The following KDM3B variants were observed in gnomAD, a reference collection of about 807,000 sequenced individuals.
KDM3B encodes lysine demethylase 3B, also known as lysine-specific demethylase 3B.
Under a neutral mutation model 170.0 loss-of-function variants are expected in KDM3B, and 10 were observed. The observed-to-expected ratio is 0.06, with a 90% CI of 0.04 to 0.10. The LOEUF (loss-of-function observed/expected upper bound fraction) is 0.10, where lower values mean the gene tolerates loss of function less well. Ranked by LOEUF, KDM3B falls within the 10% of genes least tolerant of loss-of-function variation. The probability of loss-of-function intolerance (pLI) is 1.00; values close to 1 mark genes in which losing one functional copy is unlikely to be tolerated. For missense variants in KDM3B, 1,394 were observed against 2,195.2 expected, an observed-to-expected ratio of 0.64 and a Z score of 7.29; for synonymous variants, 831 against 834.8, an observed-to-expected ratio of 1.00 and a Z score of 0.08.
In KDM3B at chr5:138,416,609, AAC is replaced by A. The variant is rs1490994029; in HGVS notation, c.3308-872_3308-871del. Among the ~76,000 whole-genome samples the A allele has an allele frequency of 1.4e-3, 202 of 140,958 alleles. 1 individual carries two copies. The highest frequency in any genetic ancestry group is 4.1e-3 in the South Asian group (15 of 3,648). The allele number at this position is 140,958 out of a possible 152,430, so 92.5% of individuals were successfully genotyped here. A position where few individuals can be genotyped will look rare whatever the true frequency, so the allele number is the denominator to read the frequency against. ...GTCTCAAAAAAAAAAAAAAAAAAAA[AAC>A]ATAACAAAAAACCAAAGAAAACTTT... On this transcript the variant is annotated intron_variant, in intron 12 of 23. Transcript: ENST00000314358.
In KDM3B at chr5:138,391,455, G is replaced by A. The variant is rs1324107502; in HGVS notation, c.1823G>A (p.Ser608Asn). ...MPTLTPAFPRSLLNARTPENH... is the reference protein window; with the variant it reads ...MPTLTPAFPRNLLNARTPENH... ...ACCCTCACTCCAGCCTTCCCACGGA[G>A]CCTCCTAAATGCCCGTACCCCAGAG... The change falls in exon 8 of 24, where the codon AGC becomes AAC. Residue 608 changes from serine to asparagine, a missense_variant. Ser to Asn is a conservative substitution (Grantham distance 46, BLOSUM62 1). Around this residue, in one of 19 missense-constraint regions of KDM3B, gnomAD observed 294 missense variants for 311.7 expected, o/e 0.94. Transcript: ENST00000314358. The surrounding 1 kb of genome is among the most constrained non-coding windows in gnomAD (Gnocchi z 5.0). 1 of 1,613,960 alleles carries A rather than the reference G, an allele frequency of 6.2e-7. No homozygotes were observed. Among genetic ancestry groups the A allele is most frequent in the African/African-American group, 1.3e-5 (1 of 74,878 alleles).
intron 11 of KDM3B, among the ~76,000 whole-genome samples, chr5:138,414,377 G>C (rs1438683072): frequency 6.6e-6 from 1 of 152,016 alleles, no homozygotes. Context: ...GTATTAGCCA[G>C]GATGGTCTCG....
intron 3 of KDM3B, among the ~76,000 whole-genome samples, chr5:138,376,589 A>G (rs1246663758): frequency 6.6e-6 from 1 of 151,932 alleles, no homozygotes. Flanking sequence ...CTGTAGTCCC[A>G]GCTACTCGGG....
intron 2 of KDM3B, 118 bp from the exon 3 acceptor site, chr5:138,374,975 A>T: frequency 1.6e-6 from 1 of 637,464 alleles, no homozygotes; most frequent in South Asian, 1.8e-5. Flanking sequence ...GCTTTAGCTT[A>T]TCTGTATTTA....
At chr5:138,372,062 G>A (rs1378609348) in intron 1 of KDM3B, among the ~76,000 whole-genome samples, 2 of 152,110 alleles carry the variant, frequency 1.3e-5, no homozygotes, top group African/African-American at 4.8e-5. Context: ...GCAGTGAGCT[G>A]AGATCACGCC....
At chr5:138,365,450 G>T (rs376316558) in intron 1 of KDM3B, among the ~76,000 whole-genome samples, 1 of 151,744 alleles carries the variant, frequency 6.6e-6, no homozygotes, top group Non-Finnish European at 1.5e-5. Context: ...TAGAGATGGG[G>T]TTTCACCCTG....
intron 6 of KDM3B, among the ~76,000 whole-genome samples, chr5:138,383,274 G>A (rs1159010584): frequency 6.6e-6 from 1 of 152,064 alleles, no homozygotes; most frequent in African/African-American, 2.4e-5. Context: ...GAGTAGCTGG[G>A]ACTACAGGCG....
In KDM3B at chr5:138,379,615, A is replaced by G. The variant is rs1762078492; in HGVS notation, c.612A>G (p.Lys204=). 6.2e-7 allele frequency: 1 copy of G among 1,613,580 alleles called. No individual in the cohort carries two copies. The highest frequency in any genetic ancestry group is 8.5e-7 in the Non-Finnish European group (1 of 1,179,790). ...ACAGTGTTCAAGGTCACAGGGTCAA[A>G]ATATATCAGCCAGAGGGGGAAGAAG... The part of the protein sequence containing the change: ...GPYSVQGHRV[K]IYQPEGEEGW... Residue 204 remains lysine (K), a synonymous_variant, in exon 5 of 24, where the codon AAA becomes AAG. Coordinates refer to ENST00000314358, the MANE Select transcript of KDM3B (RefSeq NM_016604.4).
rs142337445 is a variant in KDM3B, at chr5:138,389,573, A to G, written c.1381-1440A>G. ...CTAGATCCAGAAATTTCATCACCCC[A>G]AAAGGAAAACTCCATATCCATTAAG... On this transcript the variant is annotated intron_variant, in intron 7 of 23. Coordinates refer to ENST00000314358, the MANE Select transcript of KDM3B (RefSeq NM_016604.4). Among the ~76,000 whole-genome samples the G allele has an allele frequency of 4.6e-5, 7 of 152,282 alleles. No homozygotes were observed. In the East Asian group the frequency reaches 1.4e-3, roughly 29 times the overall value.
At chr5:138,404,710 TTTTTG>T (rs957145979) in intron 11 of KDM3B, among the ~76,000 whole-genome samples, 5 of 152,032 alleles carry the variant, frequency 3.3e-5, no homozygotes, top group African/African-American at 9.7e-5. Context: ...GGAATGAACT[TTTTTG>T]TTTTGTTTTG....
chr5:138,401,000 C>T (rs1315925873), intron 11 of KDM3B, among the ~76,000 whole-genome samples: 1 of 151,952 alleles, frequency 6.6e-6, no homozygotes, highest in South Asian at 2.1e-4. Context: ...CAGCCAGGCG[C>T]CATGGCTCAC....
chr5:138,377,903 T>C (rs1762037282), intron 4 of KDM3B, 78 bp downstream of exon 4: 4 of 1,017,674 alleles, frequency 3.9e-6, no homozygotes, highest in Non-Finnish European at 6.0e-6. Flanking sequence ...TGGAATCCCA[T>C]GCAACCTTAA....
At chr5:138,435,406 A>G (rs964714271) in intron 23 of KDM3B, among the ~76,000 whole-genome samples, 1 of 152,226 alleles carries the variant, frequency 6.6e-6, no homozygotes, top group African/African-American at 2.4e-5. Flanking sequence ...CACATAAATG[A>G]TGGTGATCAG....
At chr5:138,361,345 T>A (rs1328986030) in intron 1 of KDM3B, among the ~76,000 whole-genome samples, 2 of 152,144 alleles carry the variant, frequency 1.3e-5, no homozygotes, top group Admixed American at 1.3e-4. Context: ...ACTCCTTTTT[T>A]TTTTTTTCCT....
chr5:138,403,533 C>T (rs1202489782), intron 11 of KDM3B, among the ~76,000 whole-genome samples: 1 of 151,928 alleles, frequency 6.6e-6, no homozygotes, highest in Non-Finnish European at 1.5e-5. Context: ...AAAAATTAGC[C>T]AGGCATGGTG....
In KDM3B at chr5:138,391,995, A is replaced by G; in HGVS notation, c.2363A>G (p.Lys788Arg). The G allele has an allele frequency of 1.9e-6, 3 of 1,613,884 alleles. No individual in the cohort carries two copies. The East Asian group carries it at 6.7e-5, about 36-fold the overall frequency. Residue 788 changes from lysine to arginine, a missense_variant, in exon 8 of 24, where the codon AAA becomes AGA. Coordinates refer to ENST00000314358, the MANE Select transcript of KDM3B (RefSeq NM_016604.4). This position sits in a 1 kb window ranked among gnomAD's most constrained non-coding sequence, Gnocchi z 5.0. ...CCGGCAGATTTTTCACAGGAGAACA[A>G]AGCTCCTTTTGAAGCTGTGAAAAGG... is the stretch of plus-strand genomic sequence containing the variant. Reference protein sequence around the residue: ...SSPADFSQENKAPFEAVKRFS... With the variant: ...SSPADFSQENRAPFEAVKRFS...
chr5:138,381,799 T>G (rs1002332693), intron 6 of KDM3B: 2 of 510,898 alleles, frequency 3.9e-6, no homozygotes, highest in Non-Finnish European at 7.0e-6. Flanking sequence ...CTTTTAAGCA[T>G]GACTATGTTC....
At chr5:138,408,600 A>T (rs1762884775) in intron 11 of KDM3B, among the ~76,000 whole-genome samples, 1 of 152,114 alleles carries the variant, frequency 6.6e-6, no homozygotes, top group Non-Finnish European at 1.5e-5. Flanking sequence ...ATCAAAACCA[A>T]ATAAAGACAT....
At chr5:138,355,654 A>T (rs532725130) in intron 1 of KDM3B, among the ~76,000 whole-genome samples, 1 of 152,314 alleles carries the variant, frequency 6.6e-6, no homozygotes, top group Admixed American at 6.5e-5. Flanking sequence ...TATGGGTTGT[A>T]TGCATTTATC....
Sources: gnomAD v4.1 joint callset for allele counts (sites outside exome capture counted in the v4.1 genomes callset) on GRCh38, gnomAD v4.1.1 for gene constraint, gnomAD v4.1.1 regional missense constraint, Gnocchi (gnomAD v3.1) non-coding constraint, MANE v1.5 for transcripts, NCBI Gene and HGNC (gene_info 2026-07-23, HGNC 2026-07-21) for gene names.